Variants in NCOR2 observed in about 807,000 individuals in gnomAD.
NCOR2 encodes the protein CTG repeat protein 26.
A neutral mutation model predicts 262.9 loss-of-function variants in NCOR2; 81 were observed. The ratio of observed to expected loss-of-function variants is 0.31; its 90% CI spans 0.26 to 0.37. The LOEUF is 0.37. Among genes scored for constraint, NCOR2 ranks in the 10% least tolerant of loss-of-function variants. The probability of loss-of-function intolerance (pLI) is 1.00; values close to 1 mark genes in which losing one functional copy is unlikely to be tolerated. For synonymous variants in NCOR2, 1,659 were observed against 1,559.3 expected, an observed-to-expected ratio of 1.06 and a Z score of -1.51; for missense variants, 3,385 against 3,621.4, an observed-to-expected ratio of 0.93 and a Z score of 1.68.
At chr12:124,338,174 T>C (rs2036051204) in intron 37 of NCOR2, among the ~76,000 whole-genome samples, 1 of 152,198 alleles carries the variant, frequency 6.6e-6, no homozygotes, top group African/African-American at 2.4e-5. Flanking sequence ...AAGTACTTTT[T>C]TGAATGAAAA....
Position 124,483,383 on chromosome 12 carries a change from T to C in NCOR2, c.411+213A>G, listed in dbSNP as rs1427752177. Among the ~76,000 whole-genome samples, 1 of 151,850 alleles carries C rather than the reference T, an allele frequency of 6.6e-6. No homozygotes were observed. Among genetic ancestry groups the C allele is most frequent in the Non-Finnish European group, 1.5e-5 (1 of 67,948 alleles). On this transcript the variant is annotated intron_variant, in intron 3 of 46. Transcript: ENST00000405201. This position sits in a 1 kb window ranked among gnomAD's most constrained non-coding sequence, Gnocchi z 6.3. ...TGCTGCTCTGCCCACCTGGAACACC[T>C]TCCCCACTTCTTCCCACACTCTGGC... is the stretch of plus-strand genomic sequence containing the variant.
At chr12:124,444,347 T>C (rs994360119) in intron 7 of NCOR2, among the ~76,000 whole-genome samples, 1 of 152,090 alleles carries the variant, frequency 6.6e-6, no homozygotes, top group African/African-American at 2.4e-5. Flanking sequence ...GGAAACCTAG[T>C]CTTGCCATCT....
chr12:124,494,708 T>C (rs914418261), intron 1 of NCOR2, among the ~76,000 whole-genome samples: 1 of 152,124 alleles, frequency 6.6e-6, no homozygotes. Flanking sequence ...CCAAGGTGAA[T>C]ACACACGGAA....
exon 9 of NCOR2, chr12:124,430,662 C>G: frequency 6.2e-7 from 1 of 1,614,092 alleles, no homozygotes; most frequent in Non-Finnish European, 8.5e-7. Flanking sequence ...TCTCAGGGAA[C>G]TGCTTCTCGT....
rs2051613567 is a variant in NCOR2, at chr12:124,548,660, G to C, written c.-164-13049C>G. ...TGTTCCTGTTATTTTTTTCTGTGCTGTTAGGGCGGGGCGGGGGATCTCCAT... is the reference window on the plus strand; with the variant it reads ...TGTTCCTGTTATTTTTTTCTGTGCTCTTAGGGCGGGGCGGGGGATCTCCAT... On this transcript the variant is annotated intron_variant, in intron 1 of 32. Coordinates refer to the NCOR2 transcript ENST00000458234. This position sits in a 1 kb window ranked among gnomAD's most constrained non-coding sequence, Gnocchi z 5.1. 6.6e-6 allele frequency among the ~76,000 whole-genome samples: 1 copy of C among 151,744 alleles called. No homozygotes were observed. Among genetic ancestry groups the C allele is most frequent in the Non-Finnish European group, 1.5e-5 (1 of 67,946 alleles).
At chr12:124,387,613 A>T (rs2040915094) in intron 16 of NCOR2, among the ~76,000 whole-genome samples, 1 of 152,138 alleles carries the variant, frequency 6.6e-6, no homozygotes, top group Non-Finnish European at 1.5e-5. Context: ...CCTGGGAGCC[A>T]CGTGGCCTCA....
intron 3 of NCOR2, among the ~76,000 whole-genome samples, chr12:124,477,828 G>A (rs1283271277): frequency 6.6e-6 from 1 of 152,180 alleles, no homozygotes; most frequent in Non-Finnish European, 1.5e-5. Flanking sequence ...TTGCCAGGGG[G>A]CAGTGGGTAC....
intron 37 of NCOR2, 114 bp downstream of exon 39, chr12:124,339,892 T>TTG: frequency 1.5e-6 from 1 of 672,814 alleles, no homozygotes; most frequent in Non-Finnish European, 2.4e-6. Flanking sequence ...CCCACACATC[T>TTG]GCCCACCCAC....
At chr12:124,342,725 T>C (rs1463379922) in intron 33 of NCOR2, among the ~76,000 whole-genome samples, 1 of 152,246 alleles carries the variant, frequency 6.6e-6, no homozygotes, top group Non-Finnish European at 1.5e-5. Flanking sequence ...ACTCAAGTCC[T>C]CATTCTATAC....
intron 6 of NCOR2, among the ~76,000 whole-genome samples, chr12:124,455,312 G>C (rs542801257): frequency 6.6e-6 from 1 of 152,316 alleles, no homozygotes; most frequent in South Asian, 2.1e-4. Context: ...AACTTCCCCA[G>C]ATATCACTTC....
chr12:124,473,150 G>A lies in NCOR2; in HGVS notation c.412-19C>T, dbSNP rs760089654. The stretch of plus-strand genomic sequence containing the variant: ...TACGGTCCTGTGGCAGAAAAAAAAC[G>A]GGCATGGGGTCAGCACAGGGGACAC... On this transcript the variant is annotated intron_variant, in intron 3 of 46. Transcript: ENST00000405201. The A allele has an allele frequency of 5.0e-6, 8 of 1,612,866 alleles. No homozygotes were observed. The highest frequency in any genetic ancestry group is 1.3e-5 in the African/African-American group (1 of 74,892).
At chr12:124,493,241 G>C (rs984303202) in intron 1 of NCOR2, among the ~76,000 whole-genome samples, 1 of 152,212 alleles carries the variant, frequency 6.6e-6, no homozygotes, top group Non-Finnish European at 1.5e-5. Flanking sequence ...CCAAGGCTAG[G>C]AGCCGGGTGA....
chr12:124,362,329 A>C lies in NCOR2; in HGVS notation c.2929-32T>G, dbSNP rs564949188. On this transcript the variant is annotated intron_variant, in intron 21 of 46. Transcript: ENST00000405201. ...GAAGCAGGCAGAAGTGAGCATTCAC[A>C]GAGGGTGTCTGAAAGTGACAGGGTC... 1.8e-5 allele frequency: 24 copies of C among 1,335,410 alleles called. No individual in the cohort carries two copies. The South Asian group carries it at 5.6e-4, about 31-fold the overall frequency. 82.7% of individuals were successfully genotyped at this position (1,335,410 alleles called of 1,614,324 possible).
upstream of NCOR2, among the ~76,000 whole-genome samples, chr12:124,497,707 G>T (rs142979636): frequency 2.6e-5 from 4 of 152,340 alleles, no homozygotes; most frequent in Non-Finnish European, 5.9e-5. The surrounding 1 kb of genome is among the most constrained non-coding windows in gnomAD (Gnocchi z 4.2). Context: ...AGGCCGGGTG[G>T]CGGACAGCAG....
In NCOR2 at chr12:124,500,507, C is replaced by T. The variant is rs11057639; in HGVS notation, c.-117-5139G>A. Among the ~76,000 whole-genome samples the T allele has an allele frequency of 5.2e-3, 798 of 152,324 alleles. 32 individuals are homozygous for T. In the East Asian group the frequency reaches 0.095, roughly 18 times the overall value. Reference sequence around the variant, plus strand: ...AGGCCGTGAGCTCTGACTGGCTGTCCGCCTTGCCTCCTGCTGGACCCAGAG... The same window carrying T: ...AGGCCGTGAGCTCTGACTGGCTGTCTGCCTTGCCTCCTGCTGGACCCAGAG... On this transcript the variant is annotated intron_variant, in intron 1 of 46. Transcript: ENST00000404621.
exon 41 of NCOR2, chr12:124,334,466 C>T: frequency 6.7e-7 from 1 of 1,488,436 alleles, no homozygotes; most frequent in Non-Finnish European, 8.9e-7. Context: ...GGCCGGGGCA[C>T]CATGGTCCGG....
At chr12:124,562,655 C>T (rs910268565) in intron 1 of NCOR2, among the ~76,000 whole-genome samples, 7 of 152,212 alleles carry the variant, frequency 4.6e-5, no homozygotes, top group Admixed American at 3.3e-4. Context: ...GAGCTGAGCA[C>T]ATTTGTGAAA....
In NCOR2 at chr12:124,378,369, C is replaced by T. The variant is rs367654646; in HGVS notation, c.2035G>A (p.Ala679Thr). The T allele has an allele frequency of 2.7e-4, 430 of 1,612,696 alleles. No homozygotes were observed. Among genetic ancestry groups the T allele is most frequent in the Non-Finnish European group, 3.5e-4 (410 of 1,179,584 alleles). The stretch of plus-strand genomic sequence containing the variant: ...GGCGCTTTCTTCTTCTTCCTCCGCG[C>T]GTTCCTCTCCTTCTCCTGGGGCACA... Residue 679 changes from alanine to threonine, a missense_variant, in exon 18 of 47, where the codon GCG becomes ACG. Around this residue, in one of 5 missense-constraint regions of NCOR2, gnomAD observed 515 missense variants for 781.2 expected, o/e 0.66. Coordinates refer to ENST00000405201, the Ensembl canonical transcript of NCOR2. The surrounding 1 kb of genome is among the most constrained non-coding windows in gnomAD (Gnocchi z 4.2).
At chr12:124,402,376 C>G (rs770477828) in intron 14 of NCOR2, 28 bp downstream of exon 16, 16 of 1,612,312 alleles carry the variant, frequency 9.9e-6, no homozygotes, top group Middle Eastern at 1.7e-4. Context: ...AGCGGCCGGG[C>G]CCTGCAGGGG....
Sources: allele counts gnomAD v4.1 joint callset (sites outside exome capture counted in the v4.1 genomes callset), GRCh38; gene constraint gnomAD v4.1.1; regional missense constraint gnomAD v4.1.1; non-coding constraint Gnocchi (gnomAD v3.1); transcripts MANE v1.5; gene names NCBI Gene and HGNC (gene_info 2026-07-23, HGNC 2026-07-21).